Variants in CACNA1A observed in about 807,000 individuals in gnomAD.
CACNA1A encodes calcium voltage-gated channel subunit alpha1 A.
In CACNA1A, 57 loss-of-function variants were observed where a neutral mutation model predicts 262.4. The ratio of observed to expected loss-of-function variants is 0.22; its 90% CI spans 0.18 to 0.27. CACNA1A has a LOEUF of 0.27. Among genes scored for constraint, CACNA1A ranks in the 10% least tolerant of loss-of-function variants. The pLI, the probability that CACNA1A is intolerant of heterozygous loss-of-function variation, is 1.00. For missense variants in CACNA1A, 2,526 were observed against 3,562.8 expected (o/e 0.71, Z 7.41); for synonymous variants, 1,431 against 1,419.3 (o/e 1.01, Z -0.18).
At position 13,286,689 on chromosome 19, in the gene CACNA1A, G is replaced by A. The variant is rs775079497; in HGVS notation, c.3367C>T (p.Arg1123Trp). Reference sequence around the variant, plus strand: ...GGGTTCCCCGGGTTGTTGGGCGTCCGGCGGCTGGCGGCGTTCTGGGGGTTG... The same window carrying A: ...GGGTTCCCCGGGTTGTTGGGCGTCCAGCGGCTGGCGGCGTTCTGGGGGTTG... ...ATNPQNAASR[R>W]TPNNPGNPSN... The change falls in exon 20 of 47, where the codon CGG becomes TGG. Residue 1123 changes from arginine to tryptophan, a missense_variant. Transcript: ENST00000360228. The A allele has an allele frequency of 1.7e-5, 26 of 1,574,144 alleles. 2 individuals are homozygous for A. In the South Asian group the frequency reaches 2.3e-4, roughly 14 times the overall value.
chr19:13,448,318 A>G (rs990200068), intron 3 of CACNA1A, among the ~76,000 whole-genome samples: 2 of 152,180 alleles, frequency 1.3e-5, no homozygotes, highest in African/African-American at 4.8e-5. Context: ...ATGGACATAC[A>G]GAGGTGAACA....
At chr19:13,492,092 T>C (rs948622090) in intron 1 of CACNA1A, among the ~76,000 whole-genome samples, 26 of 152,216 alleles carry the variant, frequency 1.7e-4, no homozygotes, top group Admixed American at 1.6e-3. Flanking sequence ...TAAAATGATA[T>C]GAATGGAAAT....
intron 35 of CACNA1A, among the ~76,000 whole-genome samples, chr19:13,230,711 G>A (rs1175221627): frequency 6.6e-6 from 1 of 151,998 alleles, no homozygotes; most frequent in East Asian, 1.9e-4. Context: ...GGAGGTTGAA[G>A]CTGAAGAATC....
intron 17 of CACNA1A, among the ~76,000 whole-genome samples, chr19:13,301,120 A>ATTT (rs34756816): frequency 7.1e-6 from 1 of 140,994 alleles, no homozygotes; most frequent in Non-Finnish European, 1.6e-5. Flanking sequence ...TATACATTTA[A>ATTT]TTTTTTTTTT....
chr19:13,238,114 G>A (rs2055941335), intron 31 of CACNA1A, among the ~76,000 whole-genome samples: 1 of 152,132 alleles, frequency 6.6e-6, no homozygotes, highest in African/African-American at 2.4e-5. Flanking sequence ...GGCAGTGGGG[G>A]AAGGGTACTA....
Position 13,209,446 on chromosome 19 carries a change from T to G in CACNA1A, c.6392A>C (p.Lys2131Thr). ...MKRSASVLGPKARRLDDYSLE... is the reference protein window; with the variant it reads ...MKRSASVLGPTARRLDDYSLE... ...CGAGTAATCGTCCAGGCGTCGGGCC[T>G]TGGGGCCCAGCACGGAGGCTGAACG... Residue 2131 changes from lysine to threonine, a missense_variant, in exon 45 of 47, where the codon AAG becomes ACG. This residue lies in a region of CACNA1A where 929 missense variants were observed against 868.1 expected (regional missense o/e 1.07). Transcript: ENST00000360228. 7.3e-7 allele frequency: 1 copy of G among 1,377,156 alleles called. No homozygotes were observed. Among genetic ancestry groups the G allele is most frequent in the Non-Finnish European group, 9.4e-7 (1 of 1,060,508 alleles). The allele number at this position is 1,377,156 out of a possible 1,614,324, so 85.3% of individuals were successfully genotyped here. A position where few individuals can be genotyped will look rare whatever the true frequency, so the allele number is the denominator to read the frequency against.
rs150772915 is a variant in CACNA1A at position 13,402,731 on chromosome 19, T to C, written c.540-30952A>G. 8.2e-4 allele frequency among the ~76,000 whole-genome samples: 119 copies of C among 144,792 alleles called. 1 individual carries two copies. The highest frequency in any genetic ancestry group is 2.7e-3 in the African/African-American group (105 of 39,406). 95.0% of individuals were successfully genotyped at this position (144,792 alleles called of 152,430 possible). A position where few individuals can be genotyped will look rare whatever the true frequency, so the allele number is the denominator to read the frequency against. On this transcript the variant is annotated intron_variant, in intron 3 of 46. Transcript: ENST00000360228. ...ATGGACCAAATTTCATATATATATATACATATATATACACATATATATACA... is the reference window on the plus strand; with the variant it reads ...ATGGACCAAATTTCATATATATATACACATATATATACACATATATATACA...
At chr19:13,294,486 G>GTTT (rs1568503058) in intron 19 of CACNA1A, among the ~76,000 whole-genome samples, 1 of 87,242 alleles carries the variant, frequency 1.1e-5, no homozygotes, top group African/African-American at 5.0e-5. Flanking sequence ...ACTGTACCTG[G>GTTT]CTTTTTTTTT....
At chr19:13,450,270 T>C (rs4926161) in intron 3 of CACNA1A, 151,937 of 152,246 alleles carry the variant, frequency 1, 75,816 homozygotes, top group Middle Eastern at 1. Context: ...TTACTGTTGA[T>C]CAAACATGTC....
chr19:13,435,260 C>T (rs1050349724), intron 3 of CACNA1A, among the ~76,000 whole-genome samples: 3 of 151,714 alleles, frequency 2.0e-5, no homozygotes, highest in Admixed American at 2.0e-4. Context: ...ATTACAGGTG[C>T]ATATCACCAT....
At chr19:13,479,534 G>A (rs894932979) in intron 1 of CACNA1A, among the ~76,000 whole-genome samples, 5 of 152,178 alleles carry the variant, frequency 3.3e-5, no homozygotes, top group South Asian at 2.1e-4. Context: ...TGATCTTCTC[G>A]GGCTTTCTCC....
rs1568465560 is a variant in CACNA1A, at chr19:13,255,166, C to T, written c.4684G>A (p.Val1562Met). The T allele has an allele frequency of 1.2e-6, 2 of 1,613,890 alleles. No individual in the cohort carries two copies. Among genetic ancestry groups the T allele is most frequent in the South Asian group, 1.1e-5 (1 of 91,080 alleles). The change falls in exon 29 of 47, where the codon GTG becomes ATG. Residue 1562 changes from valine (V) to methionine (M), a missense_variant. By Grantham distance (21) the Val-to-Met change is conservative. Transcript: ENST00000360228. Reference sequence around the variant, plus strand: ...GTGTACTCGAAAGGCGGAGACACCACGAACTGCCACATGCGGTACTGGAAG... The same window carrying T: ...GTGTACTCGAAAGGCGGAGACACCATGAACTGCCACATGCGGTACTGGAAG... ...QSFQYRMWQF[V>M]VSPPFEYTIM... is the part of the protein sequence containing the mutation.
At chr19:13,294,220 CA>C (rs1394058595) in intron 19 of CACNA1A, among the ~76,000 whole-genome samples, 2 of 99,814 alleles carry the variant, frequency 2.0e-5, no homozygotes, top group South Asian at 9.5e-4. Context: ...AAAAAAAAAA[CA>C]AACAAAACCC....
intron 3 of CACNA1A, among the ~76,000 whole-genome samples, chr19:13,429,509 CT>C (rs2060466914): frequency 7.9e-6 from 1 of 127,100 alleles, no homozygotes; most frequent in South Asian, 2.6e-4. Context: ...CCCCTCACTC[CT>C]ATTTTTAGTT....
chr19:13,324,454 A>AG (rs1234102685), intron 10 of CACNA1A, among the ~76,000 whole-genome samples: 3 of 152,206 alleles, frequency 2.0e-5, no homozygotes, highest in Non-Finnish European at 2.9e-5. Flanking sequence ...TTCCCCACAC[A>AG]CAAAAAACGG....
At chr19:13,453,610 G>A (rs1311676410) in intron 2 of CACNA1A, among the ~76,000 whole-genome samples, 1 of 152,226 alleles carries the variant, frequency 6.6e-6, no homozygotes, top group Non-Finnish European at 1.5e-5. Flanking sequence ...TAGGACTTCT[G>A]TACTGGCTGA....
intron 30 of CACNA1A, chr19:13,245,792 C>T (rs1379350189): frequency 6.5e-6 from 1 of 153,670 alleles, no homozygotes; most frequent in East Asian, 1.9e-4. Context: ...CTGCCTCAGC[C>T]TCCCAAGTAG....
At chr19:13,245,340 T>C (rs2056199223) in intron 30 of CACNA1A, 75 bp from the exon 31 acceptor site, 10 of 1,104,594 alleles carry the variant, frequency 9.1e-6, no homozygotes, top group Admixed American at 1.7e-5. Context: ...GCCGGGTGCA[T>C]GTTAGAGGCA....
In CACNA1A at chr19:13,432,437, A is replaced by AAATT. The variant is rs2033048368; in HGVS notation, c.539+20438_539+20439insAATT. ...CTCAAAAATAAATAAATAAATAAAT[A>AAATT]AATAAATAAATAAAAATTAAAAATT... On this transcript the variant is annotated intron_variant, in intron 3 of 46. Transcript: ENST00000360228. Among the ~76,000 whole-genome samples the AAATT allele has an allele frequency of 6.0e-5, 9 of 151,188 alleles. 1 individual carries two copies. In the South Asian group the frequency reaches 1.9e-3, roughly 31 times the overall value.
Sources: allele counts gnomAD v4.1 joint callset (sites outside exome capture counted in the v4.1 genomes callset), GRCh38; gene constraint gnomAD v4.1.1; regional missense constraint gnomAD v4.1.1; transcripts MANE v1.5; gene names NCBI Gene and HGNC (gene_info 2026-07-23, HGNC 2026-07-21).